TENM4: variants seen among roughly 807,000 people sequenced by gnomAD.
TENM4 encodes teneurin-4.
A neutral mutation model predicts 243.3 loss-of-function variants in TENM4; 82 were observed. That is an observed-to-expected ratio of 0.34 (90% confidence interval 0.28 to 0.40). TENM4 has a LOEUF of 0.40. Ranked by LOEUF, TENM4 falls within the 10% of genes least tolerant of loss-of-function variation. The probability of loss-of-function intolerance (pLI) is 1.00; values close to 1 mark genes in which losing one functional copy is unlikely to be tolerated. For missense variants in TENM4, 3,138 were observed against 3,673.3 expected, an observed-to-expected ratio of 0.85 and a Z score of 3.77; for synonymous variants, 1,412 against 1,456.3, an observed-to-expected ratio of 0.97 and a Z score of 0.69.
intron 4 of TENM4, among the ~76,000 whole-genome samples, chr11:79,123,011 C>A (rs1045891321): frequency 1.1e-4 from 17 of 152,188 alleles, no homozygotes; most frequent in Admixed American, 1.0e-3. Flanking sequence ...GGAAATGAAG[C>A]AACGTCATCC....
At position 78,852,456 on chromosome 11, in the gene TENM4, G is replaced by A. The variant is rs183451088; in HGVS notation, c.1681+1648C>T. On this transcript the variant is annotated intron_variant, in intron 12 of 33. Coordinates refer to ENST00000278550, the MANE Select transcript of TENM4 (RefSeq NM_001098816.3). Reference sequence around the variant, plus strand: ...CCTCAGCATTTGGGGAAGTCAAAGTGGGCGGCTCACTTGAGCCCAAGAGTT... The same window carrying A: ...CCTCAGCATTTGGGGAAGTCAAAGTAGGCGGCTCACTTGAGCCCAAGAGTT... Among the ~76,000 whole-genome samples the A allele has an allele frequency of 2.1e-3, 324 of 152,184 alleles. 1 individual carries two copies. The highest frequency in any genetic ancestry group is 7.5e-3 in the African/African-American group (312 of 41,510).
At chr11:78,982,911 C>T (rs1371422563) in intron 6 of TENM4, among the ~76,000 whole-genome samples, 1 of 152,182 alleles carries the variant, frequency 6.6e-6, no homozygotes, top group Admixed American at 6.5e-5. Context: ...CCTTGCTGGT[C>T]CCCTGCAAGG....
intron 12 of TENM4, among the ~76,000 whole-genome samples, chr11:78,841,395 A>G (rs986094198): frequency 3.3e-5 from 5 of 152,114 alleles, no homozygotes; most frequent in African/African-American, 1.2e-4. Flanking sequence ...GAACACACAC[A>G]ATTTAGGCCA....
chr11:79,009,580 C>T (rs1206279321), intron 6 of TENM4, among the ~76,000 whole-genome samples: 1 of 152,168 alleles, frequency 6.6e-6, no homozygotes, highest in South Asian at 2.1e-4. Context: ...GCATTATGGA[C>T]AGTTTTTGGA....
At chr11:78,887,544 T>C (rs1024021875) in intron 9 of TENM4, among the ~76,000 whole-genome samples, 2 of 152,138 alleles carry the variant, frequency 1.3e-5, no homozygotes, top group African/African-American at 4.8e-5. Context: ...GTTTGCTGAG[T>C]GAAAAATAAA....
At chr11:78,838,391 T>G (rs1308416434) in intron 12 of TENM4, among the ~76,000 whole-genome samples, 1 of 139,646 alleles carries the variant, frequency 7.2e-6, no homozygotes, top group Non-Finnish European at 1.5e-5. Context: ...TTATAAGACA[T>G]GTGGAAATTT....
rs139184390 is a variant in TENM4, at chr11:78,653,638, G to A, written c.*4420C>T. On this transcript the variant is annotated 3_prime_UTR_variant, in exon 34 of 34. Transcript: ENST00000278550. Reference sequence around the variant, plus strand: ...GGATTCTGGTGTTGGGTGAATCCAGGGCTGCTGGGGCACCGCCAGACACCT... The same window carrying A: ...GGATTCTGGTGTTGGGTGAATCCAGAGCTGCTGGGGCACCGCCAGACACCT... 77 of 152,382 alleles carry A rather than the reference G, an allele frequency of 5.1e-4. No individual in the cohort carries two copies. The highest frequency in any genetic ancestry group is 1.7e-3 in the African/African-American group (69 of 41,572). The allele number at this position is 152,382 out of a possible 1,614,324, so 9.4% of individuals were successfully genotyped here.
At chr11:78,959,715 G>A (rs1193949055) in intron 6 of TENM4, among the ~76,000 whole-genome samples, 1 of 152,186 alleles carries the variant, frequency 6.6e-6, no homozygotes, top group Non-Finnish European at 1.5e-5. Context: ...GGAGCATGGA[G>A]GAGCAGCAAT....
chr11:78,687,911 C>A, intron 29 of TENM4, 143 bp downstream of exon 29: 1 of 922,392 alleles, frequency 1.1e-6, no homozygotes, highest in East Asian at 2.6e-5. Flanking sequence ...GTATATTTTG[C>A]AAATTAGGTG....
At chr11:79,109,485 C>T (rs1038744035) in intron 4 of TENM4, among the ~76,000 whole-genome samples, 12 of 152,202 alleles carry the variant, frequency 7.9e-5, no homozygotes, top group African/African-American at 2.9e-4. Flanking sequence ...GGCCAAGGTG[C>T]AGGAGACAGA....
chr11:78,817,372 C>CTGCTAACACAAGCAGTGCTTTATA, intron 12 of TENM4, among the ~76,000 whole-genome samples: 1 of 152,306 alleles, frequency 6.6e-6, no homozygotes, highest in South Asian at 2.1e-4. Flanking sequence ...AGTGTTGTCT[C>CTGCTAACACAAGCAGTGCTTTATA]TGCTAACACA....
chr11:79,081,127 A>G (rs1218423921), intron 4 of TENM4, among the ~76,000 whole-genome samples: 3 of 152,242 alleles, frequency 2.0e-5, no homozygotes, highest in Non-Finnish European at 4.4e-5. Flanking sequence ...AGGCCTCCTC[A>G]GCCTGAAGGA....
chr11:79,263,741 C>T (rs1310282028), intron 2 of TENM4, among the ~76,000 whole-genome samples: 1 of 152,058 alleles, frequency 6.6e-6, no homozygotes, highest in Non-Finnish European at 1.5e-5. Context: ...TAACAGTAAC[C>T]CTAGTAACCC....
chr11:79,007,572 C>T (rs906586596), intron 6 of TENM4, among the ~76,000 whole-genome samples: 6 of 152,212 alleles, frequency 3.9e-5, no homozygotes, highest in Admixed American at 2.0e-4. Context: ...TAAGAGGCTG[C>T]GGAGACCCTT....
intron 9 of TENM4, among the ~76,000 whole-genome samples, chr11:78,871,824 C>A (rs1274987588): frequency 5.3e-5 from 8 of 152,218 alleles, no homozygotes; most frequent in Admixed American, 6.5e-5. Context: ...CTCTGCCCCC[C>A]CAGAACCTGG....
rs572272747 is a variant in TENM4, at chr11:78,657,775, A to G, written c.*283T>C. ...AGAGAGGAGATACATACCCCAAACG[A>G]CAAGGGAAAAATCCTCAAGGAAAAA... On this transcript the variant is annotated 3_prime_UTR_variant, in exon 34 of 34. Transcript: ENST00000278550. 25 of 524,982 alleles carry G rather than the reference A, an allele frequency of 4.8e-5. No individual in the cohort carries two copies. In the East Asian group the frequency reaches 8.7e-4, roughly 18 times the overall value. 32.5% of individuals were successfully genotyped at this position (524,982 alleles called of 1,614,324 possible).
chr11:78,847,264 G>T (rs1484884471), intron 12 of TENM4, among the ~76,000 whole-genome samples: 1 of 152,146 alleles, frequency 6.6e-6, no homozygotes, highest in Non-Finnish European at 1.5e-5. Flanking sequence ...AGCCTTTATT[G>T]CTTGGTTCCT....
chr11:78,858,353 G>A (rs1858729892), intron 10 of TENM4, among the ~76,000 whole-genome samples: 1 of 86,012 alleles, frequency 1.2e-5, no homozygotes, highest in African/African-American at 3.7e-5. Flanking sequence ...AAATTGTCTT[G>A]AGTGTGTATA....
intron 8 of TENM4, among the ~76,000 whole-genome samples, 196 bp downstream of exon 8, chr11:78,891,042 A>C (rs556377529): frequency 6.6e-6 from 1 of 152,302 alleles, no homozygotes; most frequent in Admixed American, 6.5e-5. Context: ...GCATATTAAC[A>C]AGACTGCTGT....
Sources: gnomAD v4.1 joint callset for allele counts (sites outside exome capture counted in the v4.1 genomes callset) on GRCh38, gnomAD v4.1.1 for gene constraint, MANE v1.5 for transcripts, NCBI Gene and HGNC (gene_info 2026-07-23, HGNC 2026-07-21) for gene names.